Variants in IPO8 observed in about 807,000 individuals in gnomAD.
IPO8 encodes the protein importin-8.
IPO8 carries 65 observed loss-of-function variants against 141.2 expected under a neutral mutation model. The ratio of observed to expected loss-of-function variants is 0.46; its 90% CI spans 0.38 to 0.57. The LOEUF is 0.57. IPO8 is among the 20% of genes least tolerant of loss of function. The pLI, the probability that IPO8 is intolerant of heterozygous loss-of-function variation, is 0.00. For missense variants in IPO8, 980 were observed against 1,246.8 expected (o/e 0.79, Z 3.22); for synonymous variants, 411 against 420.3 (o/e 0.98, Z 0.27).
At chr12:30,646,734 A>C (rs767738719) in intron 20 of IPO8, among the ~76,000 whole-genome samples, 4 of 152,178 alleles carry the variant, frequency 2.6e-5, no homozygotes, top group Non-Finnish European at 2.9e-5. Context: ...TAGCGTCAAA[A>C]AGAAAATATA....
intron 2 of IPO8, among the ~76,000 whole-genome samples, chr12:30,689,115 T>C (rs143126759): frequency 2.6e-5 from 4 of 151,974 alleles, no homozygotes; most frequent in East Asian, 1.9e-4. Flanking sequence ...AACTGTAAAA[T>C]AGCATGTGTA....
chr12:30,660,810 A>C (rs1246592253), intron 16 of IPO8, among the ~76,000 whole-genome samples: 1 of 152,134 alleles, frequency 6.6e-6, no homozygotes. Flanking sequence ...GGTTCCCAGA[A>C]AGCTGGGCTC....
At chr12:30,679,169 T>C (rs936783658) in intron 5 of IPO8, among the ~76,000 whole-genome samples, 1 of 152,162 alleles carries the variant, frequency 6.6e-6, no homozygotes, top group African/African-American at 2.4e-5. Context: ...AATTGTCTGC[T>C]CCTTCTCATA....
intron 8 of IPO8, among the ~76,000 whole-genome samples, chr12:30,672,570 T>C (rs187209562): frequency 3.5e-4 from 53 of 152,312 alleles, no homozygotes; most frequent in African/African-American, 1.2e-3. Flanking sequence ...ATGGCATTTT[T>C]ATATGTGTAT....
At chr12:30,663,072 A>G (rs1023853076) in intron 14 of IPO8, among the ~76,000 whole-genome samples, 2 of 152,188 alleles carry the variant, frequency 1.3e-5, no homozygotes, top group Non-Finnish European at 2.9e-5. Context: ...TAGAAATACT[A>G]CTTGCTACTT....
Position 30,695,078 on chromosome 12 carries a change from A to G in IPO8, c.84+486T>C. 2.2e-6 allele frequency: 1 copy of G among 455,148 alleles called. No individual in the cohort carries two copies. Among genetic ancestry groups the G allele is most frequent in the South Asian group, 1.6e-5 (1 of 64,146 alleles). 28.2% of individuals were successfully genotyped at this position (455,148 alleles called of 1,614,324 possible). A position where few individuals can be genotyped will look rare whatever the true frequency, so the allele number is the denominator to read the frequency against. On this transcript the variant is annotated intron_variant, in intron 1 of 24. Transcript: ENST00000256079. This position sits in a 1 kb window ranked among gnomAD's most constrained non-coding sequence, Gnocchi z 4.2. Reference sequence around the variant, plus strand: ...GCCCAGCGCTCCGCAAAACTCGGCCAATCGGTGTCAAAACAGTCCTGCCAA... The same window carrying G: ...GCCCAGCGCTCCGCAAAACTCGGCCGATCGGTGTCAAAACAGTCCTGCCAA...
intron 19 of IPO8, among the ~76,000 whole-genome samples, chr12:30,651,288 C>T (rs1000964393): frequency 5.9e-5 from 9 of 152,144 alleles, no homozygotes; most frequent in African/African-American, 2.2e-4. Flanking sequence ...CTTCACTTTA[C>T]ACCTGAAGCA....
chr12:30,670,831 C>G, intron 9 of IPO8, 131 bp downstream of exon 9: 24 of 662,776 alleles, frequency 3.6e-5, no homozygotes, highest in Non-Finnish European at 5.6e-5. Flanking sequence ...TAGGACTTCA[C>G]TCATTAGAAA....
rs1475563018 is a variant in IPO8 at position 30,653,015 on chromosome 12, C to T, written c.2026G>A (p.Gly676Ser). 9 of 1,611,648 alleles carry T rather than the reference C, an allele frequency of 5.6e-6. No individual in the cohort carries two copies. The African/African-American group carries it at 1.1e-4, about 19-fold the overall frequency. Residue 676 changes from glycine (G) to serine (S), a missense_variant, in exon 18 of 25, where the codon GGT (glycine) becomes AGT (serine). Transcript: ENST00000256079. ...SISPQMWQLLGILYEVFQQDC... is the reference protein window; with the variant it reads ...SISPQMWQLLSILYEVFQQDC... ...TGCTGAAACACTTCATATAGTATACCTAGAAGCTGCCACATTTGAGGGGAA... is the reference window on the plus strand; with the variant it reads ...TGCTGAAACACTTCATATAGTATACTTAGAAGCTGCCACATTTGAGGGGAA...
intron 9 of IPO8, 57 bp from the exon 10 acceptor site, chr12:30,669,339 G>C: frequency 2.5e-6 from 2 of 784,902 alleles, no homozygotes; most frequent in South Asian, 3.4e-5. Flanking sequence ...TCAAGTTTGA[G>C]GAATACTAAT....
rs757780015 is a variant in IPO8, at chr12:30,673,981, G to A, written c.909+9C>T. The A allele has an allele frequency of 1.3e-6, 2 of 1,536,116 alleles. No homozygotes were observed. Among genetic ancestry groups the A allele is most frequent in the Non-Finnish European group, 8.9e-7 (1 of 1,118,876 alleles). Reference sequence around the variant, plus strand: ...CCATTATTCTATTTTAAAAGCATAAGTTTATTACCTGCTGAATGCCCACTG... The same window carrying A: ...CCATTATTCTATTTTAAAAGCATAAATTTATTACCTGCTGAATGCCCACTG... On this transcript the variant is annotated intron_variant, in intron 8 of 24. Transcript: ENST00000256079.
chr12:30,676,438 T>C (rs1235251932), intron 6 of IPO8, 60 bp downstream of exon 6: 3 of 1,101,694 alleles, frequency 2.7e-6, no homozygotes, highest in African/African-American at 3.1e-5. Flanking sequence ...AATGCATCAG[T>C]CTACCGCAAA....
chr12:30,690,329 T>A (rs1018470607), intron 2 of IPO8, among the ~76,000 whole-genome samples, 167 bp downstream of exon 2: 1 of 152,224 alleles, frequency 6.6e-6, no homozygotes, highest in South Asian at 2.1e-4. Context: ...TATCTACCTC[T>A]AAATTTCTGG....
intron 20 of IPO8, among the ~76,000 whole-genome samples, chr12:30,648,186 C>A (rs1435091522): frequency 6.6e-6 from 1 of 152,162 alleles, no homozygotes; most frequent in Non-Finnish European, 1.5e-5. Flanking sequence ...AAATGACCAA[C>A]AACTGATGAA....
intron 6 of IPO8, 39 bp from the exon 7 acceptor site, chr12:30,674,792 A>G (rs1306715482): frequency 1.6e-6 from 2 of 1,287,866 alleles, no homozygotes; most frequent in East Asian, 2.3e-5. Context: ...GTTCTGCATA[A>G]TAAAAGGATT....
At position 30,662,343 on chromosome 12, in the gene IPO8, T is replaced by G; in HGVS notation, c.1739A>C (p.Asp580Ala). The change falls in exon 15 of 25, where the codon GAT becomes GCT. Residue 580 changes from aspartate to alanine, a missense_variant. Asp to Ala is a moderately radical substitution (Grantham distance 126). Transcript: ENST00000256079. ...CGGTCTTACCAAGTGTTGGGTCATATCAACAGCAATTGAGGCTACCTCTTG... is the reference window on the plus strand; with the variant it reads ...CGGTCTTACCAAGTGTTGGGTCATAGCAACAGCAATTGAGGCTACCTCTTG... Reference protein sequence around the residue: ...YSQEVASIAVDMTQHLAEIFG... With the variant: ...YSQEVASIAVAMTQHLAEIFG... The G allele has an allele frequency of 6.2e-7, 1 of 1,613,710 alleles. No homozygotes were observed. The highest frequency in any genetic ancestry group is 1.1e-5 in the South Asian group (1 of 91,018).
chr12:30,634,316 T>A, intron 22 of IPO8, 30 bp from the exon 23 acceptor site: 1 of 1,556,610 alleles, frequency 6.4e-7, no homozygotes, highest in Non-Finnish European at 8.9e-7. Flanking sequence ...TTAAAAGGAA[T>A]CAAAACACAT....
chr12:30,647,212 G>A (rs1026498148), intron 20 of IPO8, among the ~76,000 whole-genome samples: 29 of 152,134 alleles, frequency 1.9e-4, no homozygotes, highest in African/African-American at 7.0e-4. Flanking sequence ...GGAAAAAATA[G>A]TCTTTTCCAC....
chr12:30,682,657 T>C (rs2053200927), intron 3 of IPO8, among the ~76,000 whole-genome samples: 1 of 152,062 alleles, frequency 6.6e-6, no homozygotes, highest in Admixed American at 6.6e-5. Context: ...TCACCAAATA[T>C]GACCTTACAT....
Sources: gnomAD v4.1 joint callset for allele counts (sites outside exome capture counted in the v4.1 genomes callset) on GRCh38, gnomAD v4.1.1 for gene constraint, Gnocchi (gnomAD v3.1) non-coding constraint, MANE v1.5 for transcripts, NCBI Gene and HGNC (gene_info 2026-07-23, HGNC 2026-07-21) for gene names.